Variants in USP32 observed in about 807,000 individuals in gnomAD.
The protein encoded by USP32 is ubiquitin specific peptidase 32.
In USP32, 59 loss-of-function variants were observed where a neutral mutation model predicts 204.8. That is an observed-to-expected ratio of 0.29 (90% CI 0.23 to 0.36). The LOEUF (loss-of-function observed/expected upper bound fraction) is 0.36. Ranked by LOEUF, USP32 falls within the 10% of genes least tolerant of loss-of-function variation. The pLI, the probability that USP32 is intolerant of heterozygous loss-of-function variation, is 1.00. For missense variants in USP32, 1,160 were observed against 1,946.4 expected, an observed-to-expected ratio of 0.60 and a Z score of 7.60; for synonymous variants, 517 against 678.4, an observed-to-expected ratio of 0.76 and a Z score of 3.70.
At chr17:60,262,945 G>C (rs574041309) in intron 9 of USP32, among the ~76,000 whole-genome samples, 1 of 151,864 alleles carries the variant, frequency 6.6e-6, no homozygotes, top group South Asian at 2.1e-4. Flanking sequence ...CGTAATACTT[G>C]GTGCTAACCT....
rs547844672 is a variant in USP32 at position 60,281,601 on chromosome 17, TA to T, written c.571+6921del. 9.9e-5 allele frequency among the ~76,000 whole-genome samples: 15 copies of T among 151,716 alleles called. No homozygotes were observed. In the East Asian group the frequency reaches 2.9e-3, roughly 29 times the overall value. On this transcript the variant is annotated intron_variant, in intron 5 of 33. Transcript: ENST00000300896. ...TCCTTTTATTAATAATAACAAAAGGTATTACCTAATTTACTCCTTGAAACAG... is the reference window on the plus strand; with the variant it reads ...TCCTTTTATTAATAATAACAAAAGGTTTACCTAATTTACTCCTTGAAACAG...
chr17:60,288,765 T>C (rs924519935), intron 4 of USP32, 83 bp from the exon 5 acceptor site: 2 of 1,155,372 alleles, frequency 1.7e-6, no homozygotes, highest in East Asian at 2.5e-5. Context: ...AATTTGCAAT[T>C]AGTTGGCAAT....
intron 1 of USP32, among the ~76,000 whole-genome samples, chr17:60,351,471 G>A (rs533099203): frequency 7.3e-5 from 11 of 149,860 alleles, no homozygotes; most frequent in Non-Finnish European, 1.3e-4. Flanking sequence ...GTCTCACTCC[G>A]TCCCCCAGGC....
chr17:60,194,650 C>T (rs2084468513), intron 27 of USP32, among the ~76,000 whole-genome samples: 1 of 152,116 alleles, frequency 6.6e-6, no homozygotes. Context: ...TTCTCTTTTC[C>T]AACAATAAGT....
chr17:60,408,500 C>G (rs983937110), intron 1 of USP32, among the ~76,000 whole-genome samples: 4 of 151,980 alleles, frequency 2.6e-5, no homozygotes, highest in African/African-American at 9.7e-5. Flanking sequence ...GCCTCCGCCT[C>G]CCAAGTAGCT....
chr17:60,303,703 G>C lies in USP32; in HGVS notation c.187-1999C>G, dbSNP rs182667329. 2.0e-5 allele frequency among the ~76,000 whole-genome samples: 3 copies of C among 152,194 alleles called. No homozygotes were observed. The East Asian group carries it at 5.8e-4, about 29-fold the overall frequency. Reference sequence around the variant, plus strand: ...CTTCTGTCCTATATGAAGCACTTATGTTTCAACCATAAATTTTAAGTCACA... The same window carrying C: ...CTTCTGTCCTATATGAAGCACTTATCTTTCAACCATAAATTTTAAGTCACA... On this transcript the variant is annotated intron_variant, in intron 2 of 33. Transcript: ENST00000300896.
At chr17:60,388,088 A>G (rs2089762997) in intron 1 of USP32, among the ~76,000 whole-genome samples, 1 of 152,084 alleles carries the variant, frequency 6.6e-6, no homozygotes, top group Non-Finnish European at 1.5e-5. Flanking sequence ...CCTTCAGTAA[A>G]AATCTGCTGA....
At chr17:60,230,094 G>A (rs769946053) in intron 12 of USP32, among the ~76,000 whole-genome samples, 14 of 152,158 alleles carry the variant, frequency 9.2e-5, no homozygotes, top group Non-Finnish European at 1.5e-4. Flanking sequence ...GGTTACAGGC[G>A]TGAGTCACTG....
At chr17:60,353,683 G>A (rs903347244) in intron 1 of USP32, among the ~76,000 whole-genome samples, 4 of 152,180 alleles carry the variant, frequency 2.6e-5, no homozygotes, top group African/African-American at 9.7e-5. Flanking sequence ...AGAGGTTGTG[G>A]TGAGCAGAGA....
At chr17:60,242,907 T>C (rs1394733794) in intron 11 of USP32, among the ~76,000 whole-genome samples, 2 of 152,226 alleles carry the variant, frequency 1.3e-5, no homozygotes, top group African/African-American at 2.4e-5. Flanking sequence ...GCTTGTCAAT[T>C]TATAGAAAAA....
intron 16 of USP32, among the ~76,000 whole-genome samples, chr17:60,215,138 T>C (rs2085069387): frequency 6.6e-6 from 1 of 152,106 alleles, no homozygotes; most frequent in Non-Finnish European, 1.5e-5. Context: ...TGGCTAATTT[T>C]TGTACATTTT....
At chr17:60,251,563 T>C (rs2086168316) in intron 11 of USP32, among the ~76,000 whole-genome samples, 1 of 152,194 alleles carries the variant, frequency 6.6e-6, no homozygotes, top group Non-Finnish European at 1.5e-5. Flanking sequence ...CAAATTTTAC[T>C]AGAAATTCAG....
chr17:60,225,499 G>A lies in USP32; in HGVS notation c.1432+540C>T, dbSNP rs1297033515. The stretch of plus-strand genomic sequence containing the variant: ...ATATTTCCATATTGAGAGATTTAAT[G>A]AAGTATAATATGGAAAAGAGGTTTT... On this transcript the variant is annotated intron_variant, in intron 13 of 33. Transcript: ENST00000300896. 2.0e-5 allele frequency among the ~76,000 whole-genome samples: 3 copies of A among 152,144 alleles called. No individual in the cohort carries two copies. In the East Asian group the frequency reaches 5.8e-4, roughly 29 times the overall value.
chr17:60,279,521 G>C (rs2086915770), intron 5 of USP32, among the ~76,000 whole-genome samples: 1 of 149,342 alleles, frequency 6.7e-6, no homozygotes, highest in Non-Finnish European at 1.5e-5. Context: ...TATTTCACAA[G>C]TAATTTTACA....
intron 11 of USP32, among the ~76,000 whole-genome samples, chr17:60,251,067 C>G (rs1388353837): frequency 6.6e-6 from 1 of 151,788 alleles, no homozygotes; most frequent in East Asian, 1.9e-4. Context: ...CTCAGCCTCC[C>G]AAGTAGCTGG....
At chr17:60,187,491 T>C (rs891889968) in intron 29 of USP32, among the ~76,000 whole-genome samples, 1 of 152,236 alleles carries the variant, frequency 6.6e-6, no homozygotes, top group Non-Finnish European at 1.5e-5. Flanking sequence ...ATCATCGTTG[T>C]TGGAATGAGT....
intron 1 of USP32, among the ~76,000 whole-genome samples, chr17:60,406,487 T>C (rs2089977108): frequency 6.6e-6 from 1 of 152,104 alleles, no homozygotes; most frequent in Non-Finnish European, 1.5e-5. Flanking sequence ...CCCATTATTC[T>C]GAAATTCTAC....
chr17:60,219,055 A>T (rs2627897), intron 16 of USP32, among the ~76,000 whole-genome samples: 14 of 152,230 alleles, frequency 9.2e-5, no homozygotes, highest in Non-Finnish European at 1.5e-4. Context: ...TCATTTTGAT[A>T]GGCTTGATGT....
chr17:60,349,487 G>C (rs2088867160), intron 1 of USP32, among the ~76,000 whole-genome samples: 1 of 147,112 alleles, frequency 6.8e-6, no homozygotes, highest in East Asian at 2.0e-4. Context: ...GGCTGAGGCA[G>C]GAGGATTGAG....
Sources: allele counts gnomAD v4.1 joint callset (sites outside exome capture counted in the v4.1 genomes callset), GRCh38; gene constraint gnomAD v4.1.1; transcripts MANE v1.5; gene names NCBI Gene and HGNC (gene_info 2026-07-23, HGNC 2026-07-21).